The following DZIP3 variants were observed in gnomAD, a reference collection of about 807,000 sequenced individuals.
DZIP3 encodes DAZ interacting zinc finger protein 3, also known as E3 ubiquitin-protein ligase DZIP3.
Under a neutral mutation model 162.0 loss-of-function variants are expected in DZIP3, and 118 were observed. The observed-to-expected ratio is 0.73, with a 90% confidence interval of 0.63 to 0.85. The LOEUF is 0.85. Among genes scored for constraint, DZIP3 ranks in the 40% least tolerant of loss-of-function variants. The probability of loss-of-function intolerance (pLI) is 0.00; values close to 1 mark genes in which losing one functional copy is unlikely to be tolerated. For synonymous variants in DZIP3, 438 were observed against 458.6 expected (o/e 0.96, Z 0.57); for missense variants, 1,331 against 1,407.0 (o/e 0.95, Z 0.86).
At chr3:108,592,159 A>C (rs1274932996) in intron 1 of DZIP3, among the ~76,000 whole-genome samples, 1 of 152,022 alleles carries the variant, frequency 6.6e-6, no homozygotes, top group African/African-American at 2.4e-5. Context: ...GATTTTGGGG[A>C]GGATAAGACT....
At chr3:108,674,663 G>A (rs1348286760) in intron 24 of DZIP3, among the ~76,000 whole-genome samples, 1 of 151,876 alleles carries the variant, frequency 6.6e-6, no homozygotes, top group Non-Finnish European at 1.5e-5. Context: ...GGAAACATCA[G>A]TATTAACACC....
chr3:108,661,266 G>A (rs909110871), intron 19 of DZIP3, among the ~76,000 whole-genome samples: 5 of 152,082 alleles, frequency 3.3e-5, no homozygotes, highest in African/African-American at 9.7e-5. Context: ...CTGGATTAAG[G>A]AAATGTGGCA....
intron 12 of DZIP3, among the ~76,000 whole-genome samples, chr3:108,638,687 G>C (rs1942263311): frequency 6.6e-6 from 1 of 152,082 alleles, no homozygotes. Context: ...AACTAAATGA[G>C]GATATCATTA....
intron 21 of DZIP3, among the ~76,000 whole-genome samples, chr3:108,666,839 A>G (rs1384882005): frequency 6.6e-6 from 1 of 152,174 alleles, no homozygotes; most frequent in Non-Finnish European, 1.5e-5. Flanking sequence ...TTGAATTTAC[A>G]TGAAAATACA....
intron 19 of DZIP3, among the ~76,000 whole-genome samples, chr3:108,661,509 T>G (rs1559767290): frequency 2.0e-5 from 3 of 152,072 alleles, no homozygotes; most frequent in Non-Finnish European, 1.5e-5. Context: ...GGGGAAGAGA[T>G]AGCATTATGA....
chr3:108,600,096 T>G (rs1313283597), intron 1 of DZIP3, among the ~76,000 whole-genome samples: 1 of 152,182 alleles, frequency 6.6e-6, no homozygotes, highest in Admixed American at 6.5e-5. Flanking sequence ...TCTTCAGTGT[T>G]TTTAAGGGTT....
chr3:108,642,126 T>A (rs1942425005), intron 12 of DZIP3, among the ~76,000 whole-genome samples: 1 of 152,128 alleles, frequency 6.6e-6, no homozygotes, highest in East Asian at 1.9e-4. Flanking sequence ...GCTTGCTTGC[T>A]TTTTTTGTCT....
intron 19 of DZIP3, among the ~76,000 whole-genome samples, chr3:108,657,803 A>G (rs1943206655): frequency 6.6e-6 from 1 of 152,222 alleles, no homozygotes; most frequent in Admixed American, 6.5e-5. Context: ...AGATCTACCA[A>G]GCAAATGGAA....
intron 21 of DZIP3, among the ~76,000 whole-genome samples, chr3:108,665,035 A>G (rs1420648008): frequency 6.6e-6 from 1 of 152,236 alleles, no homozygotes; most frequent in African/African-American, 2.4e-5. Context: ...AAGATTAAAT[A>G]GAACCCAGAG....
chr3:108,654,315 G>T lies in DZIP3; in HGVS notation c.2199+5G>T. On this transcript the variant is annotated splice_donor_5th_base_variant and intron_variant, in intron 19 of 32. Transcript: ENST00000361582. ...ATTCTGGACATGATAGAGCAGGTAAGCATGATTAGAGAGGGTGCCTGCCTT... is the reference window on the plus strand; with the variant it reads ...ATTCTGGACATGATAGAGCAGGTAATCATGATTAGAGAGGGTGCCTGCCTT... 6.2e-7 allele frequency: 1 copy of T among 1,613,436 alleles called. No homozygotes were observed. The highest frequency in any genetic ancestry group is 8.5e-7 in the Non-Finnish European group (1 of 1,179,526).
chr3:108,608,258 AT>A, intron 3 of DZIP3, 100 bp downstream of exon 3: 1 of 955,288 alleles, frequency 1.0e-6, no homozygotes, highest in Non-Finnish European at 1.6e-6. Context: ...ACGTGTTAAA[AT>A]TTTTTGAGTG....
At chr3:108,670,619 TG>T (rs1943892394) in intron 22 of DZIP3, among the ~76,000 whole-genome samples, 1 of 151,954 alleles carries the variant, frequency 6.6e-6, no homozygotes, top group Admixed American at 6.6e-5. Context: ...GACATGTTTT[TG>T]TATTTCTTGG....
intron 11 of DZIP3, 85 bp downstream of exon 11, chr3:108,636,793 C>A: frequency 1.1e-6 from 1 of 928,958 alleles, no homozygotes; most frequent in South Asian, 1.6e-5. Context: ...ACCTGGGGAT[C>A]ATCATAATTA....
intron 1 of DZIP3, among the ~76,000 whole-genome samples, chr3:108,599,958 A>G (rs1235276961): frequency 6.6e-6 from 1 of 152,212 alleles, no homozygotes. Flanking sequence ...CAGTCATTTC[A>G]AAAGCCACAA....
rs1250097371 is a variant in DZIP3, at chr3:108,675,859, A to T, written c.2767A>T (p.Ile923Phe). 6.8e-6 allele frequency: 11 copies of T among 1,609,694 alleles called. No individual in the cohort carries two copies. The highest frequency in any genetic ancestry group is 1.3e-5 in the African/African-American group (1 of 74,656). The change falls in exon 25 of 33, where the codon ATT becomes TTT. Residue 923 changes from isoleucine to phenylalanine, a missense_variant. Physicochemically the swap from Ile to Phe is conservative, Grantham distance 21. This residue lies in a region of DZIP3 where 1,278 missense variants were observed against 1,317.1 expected (regional missense o/e 0.97). Transcript: ENST00000361582. Reference protein sequence around the residue: ...NAIVADVRNKIAFLRTQYNEQ... With the variant: ...NAIVADVRNKFAFLRTQYNEQ... ...CATTGTGGCAGATGTTAGAAACAAG[A>T]TTGCATTCCTCAGGGTAAGTCCTGA... is the stretch of plus-strand genomic sequence containing the variant.
At position 108,646,402 on chromosome 3, in the gene DZIP3, A is replaced by C. The variant is rs2107650612; in HGVS notation, c.1760-215A>C. Among the ~76,000 whole-genome samples, 2 of 152,194 alleles carry C rather than the reference A, an allele frequency of 1.3e-5. 1 individual carries two copies. Among genetic ancestry groups the C allele is most frequent in the South Asian group, 4.2e-4 (2 of 4,818 alleles). On this transcript the variant is annotated intron_variant, in intron 14 of 32. Transcript: ENST00000361582. ...TATCTGTGATACCACATTTTTGTTT[A>C]CTTTTTTTTCTCTAATCATGGGTTT...
chr3:108,634,683 C>T (rs1392826053), intron 9 of DZIP3, among the ~76,000 whole-genome samples, 188 bp from the exon 10 acceptor site: 1 of 151,928 alleles, frequency 6.6e-6, no homozygotes, highest in Admixed American at 6.6e-5. Flanking sequence ...TCCTAATTTT[C>T]CTATCTTTAG....
Position 108,677,604 on chromosome 3 carries a change from A to G in DZIP3, c.2883+6A>G. ...CACCCAGTCCTGAGATACTGGTAAG[A>G]AATACAACATTTTGAATAATTGCCC... is the stretch of plus-strand genomic sequence containing the variant. On this transcript the variant is annotated splice_donor_region_variant and intron_variant, in intron 26 of 32. Transcript: ENST00000361582. 6.2e-7 allele frequency: 1 copy of G among 1,608,492 alleles called. No individual in the cohort carries two copies.
chr3:108,668,425 A>G (rs1943771500), intron 21 of DZIP3, among the ~76,000 whole-genome samples: 1 of 152,052 alleles, frequency 6.6e-6, no homozygotes, highest in Non-Finnish European at 1.5e-5. Flanking sequence ...GATAATAAGA[A>G]CTATGCCTAC....
Sources: allele counts gnomAD v4.1 joint callset (sites outside exome capture counted in the v4.1 genomes callset), GRCh38; gene constraint gnomAD v4.1.1; regional missense constraint gnomAD v4.1.1; transcripts MANE v1.5; gene names NCBI Gene and HGNC (gene_info 2026-07-23, HGNC 2026-07-21).